Variants in CACNA1E observed in about 807,000 individuals in gnomAD.
CACNA1E encodes calcium voltage-gated channel subunit alpha1 E, also known as voltage-dependent R-type calcium channel subunit alpha-1E.
In CACNA1E, 40 loss-of-function variants were observed where a neutral mutation model predicts 259.2. The ratio of observed to expected loss-of-function variants is 0.15; its 90% CI spans 0.12 to 0.20. The LOEUF is 0.20. CACNA1E is among the 10% of genes least tolerant of loss of function. The probability of loss-of-function intolerance (pLI) is 1.00; values close to 1 mark genes in which losing one functional copy is unlikely to be tolerated. For synonymous variants in CACNA1E, 1,104 were observed against 1,138.5 expected, an observed-to-expected ratio of 0.97 and a Z score of 0.61; for missense variants, 1,874 against 3,040.1, an observed-to-expected ratio of 0.62 and a Z score of 9.02.
At chr1:181,604,373 CA>C (rs1373703625) in intron 6 of CACNA1E, among the ~76,000 whole-genome samples, 2 of 152,120 alleles carry the variant, frequency 1.3e-5, no homozygotes, top group Non-Finnish European at 2.9e-5. Context: ...TTCTTCTGGG[CA>C]AGCTTGAGAT....
chr1:181,727,814 T>C (rs1478713881), intron 18 of CACNA1E, among the ~76,000 whole-genome samples: 1 of 152,158 alleles, frequency 6.6e-6, no homozygotes, highest in Non-Finnish European at 1.5e-5. Context: ...CCTGTCATTG[T>C]TACTTGAAGC....
chr1:181,377,106 A>C (rs184183077), intron 1 of CACNA1E, among the ~76,000 whole-genome samples: 1 of 152,246 alleles, frequency 6.6e-6, no homozygotes, highest in East Asian at 1.9e-4. Flanking sequence ...CTATGACAAC[A>C]AGCACTTATA....
Position 181,585,829 on chromosome 1 carries a change from G to A in CACNA1E, c.951+5053G>A, listed in dbSNP as rs112399345. 3.5e-3 allele frequency among the ~76,000 whole-genome samples: 528 copies of A among 152,252 alleles called. 3 individuals carry two copies. Among genetic ancestry groups the A allele is most frequent in the African/African-American group, 0.012 (499 of 41,538 alleles). On this transcript the variant is annotated intron_variant, in intron 6 of 47. Coordinates refer to ENST00000367573, the MANE Select transcript of CACNA1E (RefSeq NM_001205293.3). ...TGGGTTGAACTGCAGTGAGTGAGGC[G>A]GAAAGTAGGAGATGGAATAGTCAGT...
intron 7 of CACNA1E, among the ~76,000 whole-genome samples, chr1:181,677,295 C>T (rs576530248): frequency 2.0e-5 from 3 of 152,168 alleles, no homozygotes; most frequent in Non-Finnish European, 2.9e-5. Context: ...CAGTATGTCC[C>T]GTGTCTCAGC....
intron 1 of CACNA1E, among the ~76,000 whole-genome samples, chr1:181,392,404 C>T (rs1298835874): frequency 6.6e-6 from 1 of 152,168 alleles, no homozygotes; most frequent in East Asian, 1.9e-4. Flanking sequence ...CTTCTCAGAG[C>T]TCCTAAAAGG....
chr1:181,679,724 G>A (rs895673511), intron 7 of CACNA1E, among the ~76,000 whole-genome samples: 6 of 152,142 alleles, frequency 3.9e-5, no homozygotes, highest in African/African-American at 9.7e-5. Context: ...CAGCAGGCCA[G>A]GCTGGACAGT....
chr1:181,669,006 C>A (rs574698065), intron 7 of CACNA1E: 153 of 152,082 alleles, frequency 1.0e-3, no homozygotes, highest in African/African-American at 3.2e-3. Context: ...CCAGCCTGGG[C>A]AACAAAGTGA....
At chr1:181,427,506 A>C in intron 2 of CACNA1E, among the ~76,000 whole-genome samples, 1 of 141,346 alleles carries the variant, frequency 7.1e-6, no homozygotes, top group Non-Finnish European at 1.5e-5. Flanking sequence ...CCCCATCTCA[A>C]CTGCTCTCTA....
chr1:181,551,360 G>A (rs1648129818), intron 3 of CACNA1E, among the ~76,000 whole-genome samples: 1 of 152,192 alleles, frequency 6.6e-6, no homozygotes, highest in East Asian at 1.9e-4. Context: ...GATGGTGGGT[G>A]GTTGGTGGGG....
intron 1 of CACNA1E, among the ~76,000 whole-genome samples, chr1:181,406,890 C>G (rs1356917629): frequency 1.3e-5 from 2 of 152,172 alleles, no homozygotes; most frequent in Non-Finnish European, 2.9e-5. Flanking sequence ...TGATTCTTAT[C>G]ACAGGCTTCT....
chr1:181,692,578 G>A (rs572133752), intron 7 of CACNA1E, among the ~76,000 whole-genome samples: 1 of 152,276 alleles, frequency 6.6e-6, no homozygotes, highest in South Asian at 2.1e-4. Context: ...AATAAACAAT[G>A]CTGGGATAGC....
chr1:181,334,744 A>C (rs922074770), intron 1 of CACNA1E, among the ~76,000 whole-genome samples: 1 of 152,188 alleles, frequency 6.6e-6, no homozygotes, highest in Non-Finnish European at 1.5e-5. Flanking sequence ...ACAGGTGGTC[A>C]TGCTGCCCTA....
intron 7 of CACNA1E, among the ~76,000 whole-genome samples, chr1:181,682,134 C>G (rs1650035129): frequency 6.6e-6 from 1 of 152,170 alleles, no homozygotes; most frequent in Non-Finnish European, 1.5e-5. Flanking sequence ...TAATGACTAT[C>G]CGATTAACGA....
intron 1 of CACNA1E, among the ~76,000 whole-genome samples, chr1:181,334,491 A>G (rs1335761770): frequency 6.6e-6 from 1 of 152,200 alleles, no homozygotes; most frequent in Non-Finnish European, 1.5e-5. Flanking sequence ...GCATATTTAA[A>G]TATGAATTCT....
At chr1:181,636,537 T>C (rs1194573889) in intron 6 of CACNA1E, among the ~76,000 whole-genome samples, 1 of 152,164 alleles carries the variant, frequency 6.6e-6, no homozygotes, top group East Asian at 1.9e-4. Flanking sequence ...AGAGAATGGA[T>C]GGGGGCTGGA....
intron 3 of CACNA1E, among the ~76,000 whole-genome samples, chr1:181,521,071 G>A (rs1488496770): frequency 6.6e-6 from 1 of 152,186 alleles, no homozygotes; most frequent in Non-Finnish European, 1.5e-5. Flanking sequence ...CTTCTTGACT[G>A]CCACTCTTCT....
At chr1:181,508,651 T>TGGAGCCTG (rs1284693903) in intron 1 of CACNA1E, among the ~76,000 whole-genome samples, 2 of 152,192 alleles carry the variant, frequency 1.3e-5, no homozygotes, top group Non-Finnish European at 2.9e-5. Context: ...CCTCCTGCGA[T>TGGAGCCTG]CAGTGGGCAT....
At chr1:181,539,158 A>G (rs1558102824) in intron 3 of CACNA1E, among the ~76,000 whole-genome samples, 1 of 152,108 alleles carries the variant, frequency 6.6e-6, no homozygotes, top group Non-Finnish European at 1.5e-5. Flanking sequence ...CTATTCCCTG[A>G]CTGTGCTTCC....
At chr1:181,442,821 T>C (rs1422314636) in intron 2 of CACNA1E, among the ~76,000 whole-genome samples, 1 of 152,160 alleles carries the variant, frequency 6.6e-6, no homozygotes, top group Non-Finnish European at 1.5e-5. Context: ...CCATAGGTGA[T>C]GTTCCACCCC....
Sources: gnomAD v4.1 joint callset for allele counts (sites outside exome capture counted in the v4.1 genomes callset) on GRCh38, gnomAD v4.1.1 for gene constraint, MANE v1.5 for transcripts, NCBI Gene and HGNC (gene_info 2026-07-23, HGNC 2026-07-21) for gene names.